CLSTN1: variants seen among roughly 807,000 people sequenced by gnomAD.
The protein encoded by CLSTN1 is calsyntenin-1.
CLSTN1 carries 28 observed loss-of-function variants against 108.3 expected under a neutral mutation model. That is an observed-to-expected ratio of 0.26 (90% CI 0.19 to 0.35). CLSTN1 has a LOEUF of 0.35. Ranked by LOEUF, CLSTN1 falls within the 10% of genes least tolerant of loss-of-function variation. CLSTN1 has a pLI of 1.00. For synonymous variants in CLSTN1, 524 were observed against 534.9 expected, an observed-to-expected ratio of 0.98 and a Z score of 0.28; for missense variants, 1,157 against 1,302.6, an observed-to-expected ratio of 0.89 and a Z score of 1.72.
chr1:9,812,955 G>A (rs988838416), intron 1 of CLSTN1, among the ~76,000 whole-genome samples: 2 of 151,918 alleles, frequency 1.3e-5, no homozygotes, highest in African/African-American at 2.4e-5. Context: ...CTTGAGGTCA[G>A]GAGCTCAAGA....
At chr1:9,774,576 A>T (rs995384074) in intron 1 of CLSTN1, among the ~76,000 whole-genome samples, 13 of 151,968 alleles carry the variant, frequency 8.6e-5, no homozygotes, top group Non-Finnish European at 1.3e-4. Flanking sequence ...AAAAAAAAAA[A>T]AATAATCCAC....
chr1:9,788,515 C>A (rs1653600659), intron 1 of CLSTN1, among the ~76,000 whole-genome samples: 1 of 150,770 alleles, frequency 6.6e-6, no homozygotes, highest in African/African-American at 2.4e-5. Flanking sequence ...TTGCAGTGAG[C>A]TGAGATCATG....
In CLSTN1 at chr1:9,730,582, C is replaced by G. The variant is rs769931265; in HGVS notation, c.2872G>C (p.Gly958Arg). ...GCGTTCTGGGGGTCGCCCTGCTCCC[C>G]CTCCTCCTCCTCGCTGCTCTCCGAC... Reference protein sequence around the residue: ...AESESSEEEEGEQGDPQNATR... With the variant: ...AESESSEEEEREQGDPQNATR... Residue 958 changes from glycine to arginine, a missense_variant, in exon 19 of 19, where the codon GGG becomes CGG. Gly to Arg is a moderately radical substitution (Grantham distance 125). Transcript: ENST00000377298. This position sits in a 1 kb window ranked among gnomAD's most constrained non-coding sequence, Gnocchi z 5.6. The G allele has an allele frequency of 1.9e-6, 3 of 1,606,294 alleles. No homozygotes were observed. The highest frequency in any genetic ancestry group is 2.5e-6 in the Non-Finnish European group (3 of 1,177,700).
chr1:9,820,282 G>C (rs920155363), intron 1 of CLSTN1, among the ~76,000 whole-genome samples: 1 of 152,150 alleles, frequency 6.6e-6, no homozygotes, highest in Admixed American at 6.5e-5. Flanking sequence ...CACTGTGGGA[G>C]GCAGAGGCAG....
chr1:9,777,280 G>A (rs1005971084), intron 1 of CLSTN1, among the ~76,000 whole-genome samples: 3 of 149,704 alleles, frequency 2.0e-5, no homozygotes, highest in South Asian at 4.2e-4. Flanking sequence ...GGCACTTTGG[G>A]AGGCCAAGGC....
rs1650268180 is a variant in CLSTN1, at chr1:9,730,121, T to C, written c.*387A>G. ...TTTTTTTAAAAAAAGAAAAAAATGA[T>C]TACCGGGTGGGAGTGAGCATGTTTT... On this transcript the variant is annotated 3_prime_UTR_variant, in exon 19 of 19. Coordinates refer to ENST00000377298, the MANE Select transcript of CLSTN1 (RefSeq NM_001009566.3). The surrounding 1 kb of genome is among the most constrained non-coding windows in gnomAD (Gnocchi z 5.6). 4.0e-6 allele frequency: 1 copy of C among 251,092 alleles called. No individual in the cohort carries two copies. Among genetic ancestry groups the C allele is most frequent in the South Asian group, 9.2e-5 (1 of 10,910 alleles). The allele number at this position is 251,092 out of a possible 1,614,324, so 15.6% of individuals were successfully genotyped here.
In CLSTN1 at chr1:9,731,911, G is replaced by A. The variant is rs1364765092; in HGVS notation, c.2428-15C>T. ...ATTACATTCACCTATAGCAGAGAAA[G>A]AGAGGATCGCTGGAGACAGGCATCC... On this transcript the variant is annotated splice_polypyrimidine_tract_variant and intron_variant, in intron 16 of 18. Coordinates refer to ENST00000377298, the MANE Select transcript of CLSTN1 (RefSeq NM_001009566.3). 2.5e-6 allele frequency: 4 copies of A among 1,614,078 alleles called. No individual in the cohort carries two copies. The East Asian group carries it at 8.9e-5, about 36-fold the overall frequency.
At chr1:9,752,136 TTGATTC>T (rs1651587712) in intron 4 of CLSTN1, among the ~76,000 whole-genome samples, 1 of 152,138 alleles carries the variant, frequency 6.6e-6, no homozygotes, top group African/African-American at 2.4e-5. Context: ...ATGAAATGGT[TTGATTC>T]TGAGAGTTCA....
chr1:9,770,601 G>A (rs551709141), intron 2 of CLSTN1, among the ~76,000 whole-genome samples: 9 of 152,176 alleles, frequency 5.9e-5, no homozygotes, highest in African/African-American at 1.9e-4. Context: ...GCAGAAAAGC[G>A]TATTTATTAT....
At chr1:9,808,712 A>C (rs1654609093) in intron 1 of CLSTN1, among the ~76,000 whole-genome samples, 1 of 152,008 alleles carries the variant, frequency 6.6e-6, no homozygotes, top group South Asian at 2.1e-4. Context: ...TCTCAGGAAA[A>C]AGGCCTCAAT....
Position 9,744,506 on chromosome 1 carries a change from C to T in CLSTN1, c.1123G>A (p.Asp375Asn). The T allele has an allele frequency of 6.2e-7, 1 of 1,613,188 alleles. No individual in the cohort carries two copies. Among genetic ancestry groups the T allele is most frequent in the Non-Finnish European group, 8.5e-7 (1 of 1,180,012 alleles). ...TTGGGGCTGACCGACACGACGCCATCCGGGATCCTCACTGCCTGGGTGCCG... is the reference window on the plus strand; with the variant it reads ...TTGGGGCTGACCGACACGACGCCATTCGGGATCCTCACTGCCTGGGTGCCG... ...FNGTQAVRIP[D>N]GVVSVSPKEP... is the part of the protein sequence containing the mutation. The change falls in exon 8 of 19, where the codon GAT becomes AAT. Residue 375 changes from aspartate (D) to asparagine (N), a missense_variant. Physicochemically the swap from Asp to Asn is conservative, Grantham distance 23. Transcript: ENST00000377298.
At chr1:9,757,585 CA>C (rs1651881011) in intron 2 of CLSTN1, among the ~76,000 whole-genome samples, 1 of 152,090 alleles carries the variant, frequency 6.6e-6, no homozygotes, top group African/African-American at 2.4e-5. Flanking sequence ...AAAAAAATGA[CA>C]ATATTTTTCT....
intron 1 of CLSTN1, among the ~76,000 whole-genome samples, chr1:9,789,877 G>A (rs1282561620): frequency 6.6e-6 from 1 of 151,386 alleles, no homozygotes; most frequent in Non-Finnish European, 1.5e-5. Context: ...TACTTGGGAG[G>A]CTGAGGTGGG....
chr1:9,782,107 A>G (rs1252702506), intron 1 of CLSTN1, among the ~76,000 whole-genome samples: 1 of 152,230 alleles, frequency 6.6e-6, no homozygotes, highest in Non-Finnish European at 1.5e-5. Flanking sequence ...GATCTTTAAC[A>G]AAGAATACTT....
chr1:9,768,259 T>C (rs1042644317), intron 2 of CLSTN1, among the ~76,000 whole-genome samples: 5 of 133,854 alleles, frequency 3.7e-5, no homozygotes, highest in Admixed American at 7.5e-5. Context: ...GGTAGCACCA[T>C]AGGGATGGGG....
At chr1:9,746,356 C>T (rs915853962) in intron 7 of CLSTN1, among the ~76,000 whole-genome samples, 2 of 152,200 alleles carry the variant, frequency 1.3e-5, no homozygotes, top group African/African-American at 2.4e-5. Flanking sequence ...TAAGCTATTA[C>T]TCGGAGCAGC....
At chr1:9,778,658 T>A (rs531101935) in intron 1 of CLSTN1, among the ~76,000 whole-genome samples, 80 of 152,078 alleles carry the variant, frequency 5.3e-4, no homozygotes, top group African/African-American at 1.8e-3. Flanking sequence ...AAAATAAAAG[T>A]GTCTTTGAAA....
intron 1 of CLSTN1, among the ~76,000 whole-genome samples, chr1:9,820,260 C>T (rs1241859168): frequency 6.6e-6 from 1 of 152,120 alleles, no homozygotes; most frequent in South Asian, 2.1e-4. Flanking sequence ...TGGCTCACAC[C>T]TGTAATCTCA....
At chr1:9,735,782 TA>T in intron 12 of CLSTN1, 102 bp downstream of exon 12, 2 of 1,516,604 alleles carry the variant, frequency 1.3e-6, no homozygotes, top group Non-Finnish European at 1.8e-6. Flanking sequence ...TACCCAACAG[TA>T]AACGTATCAA....
Sources: gnomAD v4.1 joint callset for allele counts (sites outside exome capture counted in the v4.1 genomes callset) on GRCh38, gnomAD v4.1.1 for gene constraint, Gnocchi (gnomAD v3.1) non-coding constraint, MANE v1.5 for transcripts, NCBI Gene and HGNC (gene_info 2026-07-23, HGNC 2026-07-21) for gene names.